TTLL11: variants seen among roughly 807,000 people sequenced by gnomAD.
TTLL11 encodes the protein tubulin tyrosine ligase like 11.
A neutral mutation model predicts 51.7 loss-of-function variants in TTLL11; 42 were observed. That is an observed-to-expected ratio of 0.81 (90% confidence interval 0.64 to 1.05). TTLL11 has a LOEUF of 1.05. Ranked by LOEUF, TTLL11 falls within the 50% of genes least tolerant of loss-of-function variation. The probability of loss-of-function intolerance (pLI) is 0.00; values close to 1 mark genes in which losing one functional copy is unlikely to be tolerated. For synonymous variants in TTLL11, 381 were observed against 383.5 expected, an observed-to-expected ratio of 0.99 and a Z score of 0.08; for missense variants, 799 against 940.4, an observed-to-expected ratio of 0.85 and a Z score of 1.97.
intron 1 of TTLL11, among the ~76,000 whole-genome samples, chr9:122,041,102 A>G (rs1051844966): frequency 4.6e-5 from 7 of 152,148 alleles, no homozygotes; most frequent in Non-Finnish European, 8.8e-5. Flanking sequence ...CACCCTCATG[A>G]ATACCAAATT....
intron 8 of TTLL11, among the ~76,000 whole-genome samples, chr9:121,827,804 G>A (rs1588052081): frequency 6.6e-6 from 1 of 152,234 alleles, no homozygotes; most frequent in East Asian, 1.9e-4. Flanking sequence ...AGGTTTCAAG[G>A]GGGTGGGGAT....
At chr9:121,886,350 C>T (rs375864383) in intron 6 of TTLL11, among the ~76,000 whole-genome samples, 5 of 152,176 alleles carry the variant, frequency 3.3e-5, no homozygotes, top group African/African-American at 1.2e-4. Flanking sequence ...AATTAAGGAT[C>T]CCAAGATCAT....
chr9:121,844,483 C>T (rs941230264), intron 8 of TTLL11, among the ~76,000 whole-genome samples: 1 of 152,130 alleles, frequency 6.6e-6, no homozygotes, highest in African/African-American at 2.4e-5. Context: ...ATTACAAGAC[C>T]TGCTAAAAGG....
intron 8 of TTLL11, among the ~76,000 whole-genome samples, chr9:121,847,774 C>T (rs1837559224): frequency 6.6e-6 from 1 of 152,184 alleles, no homozygotes; most frequent in Admixed American, 6.5e-5. Flanking sequence ...AATACAGAAG[C>T]AGAGAAAACA....
At chr9:122,032,057 C>T (rs530760008) in intron 2 of TTLL11, among the ~76,000 whole-genome samples, 2 of 152,176 alleles carry the variant, frequency 1.3e-5, no homozygotes, top group African/African-American at 2.4e-5. Context: ...CTTGAGGTAA[C>T]GGACGGGTGT....
At chr9:122,071,841 C>T (rs1404188023) in intron 1 of TTLL11, among the ~76,000 whole-genome samples, 1 of 152,218 alleles carries the variant, frequency 6.6e-6, no homozygotes, top group Non-Finnish European at 1.5e-5. Flanking sequence ...ACCTTGCTGT[C>T]TCTGCAGATT....
chr9:121,862,035 A>T (rs1838027479), intron 7 of TTLL11, among the ~76,000 whole-genome samples: 1 of 151,976 alleles, frequency 6.6e-6, no homozygotes. Context: ...ATTGTGGGGG[A>T]CGGGCCTCTG....
intron 8 of TTLL11, among the ~76,000 whole-genome samples, chr9:121,838,941 C>T (rs1000119492): frequency 7.2e-5 from 11 of 152,342 alleles, no homozygotes; most frequent in Middle Eastern, 3.4e-3. Context: ...CTCCAGCTGC[C>T]GCTGTAACCC....
intron 1 of TTLL11, among the ~76,000 whole-genome samples, chr9:122,050,347 C>T (rs919983742): frequency 6.6e-5 from 10 of 152,152 alleles, no homozygotes; most frequent in African/African-American, 1.4e-4. Flanking sequence ...AGTAAGGACA[C>T]TGCGGTGTGC....
intron 4 of TTLL11, among the ~76,000 whole-genome samples, chr9:121,987,320 C>A (rs1207726196): frequency 6.6e-6 from 1 of 152,094 alleles, no homozygotes; most frequent in Non-Finnish European, 1.5e-5. Flanking sequence ...ATATCAAATG[C>A]TACAAAATGA....
intron 1 of TTLL11, among the ~76,000 whole-genome samples, chr9:122,041,120 C>T (rs1007209954): frequency 6.6e-6 from 1 of 152,178 alleles, no homozygotes; most frequent in Non-Finnish European, 1.5e-5. Context: ...ATTGCCCCCC[C>T]TTTTAGAGGC....
intron 8 of TTLL11, among the ~76,000 whole-genome samples, chr9:121,845,290 C>G (rs1368102073): frequency 6.6e-6 from 1 of 152,062 alleles, no homozygotes; most frequent in Non-Finnish European, 1.5e-5. Flanking sequence ...ACCCCACCAA[C>G]CTAGAATTCT....
At chr9:121,844,228 T>C (rs1837445607) in intron 8 of TTLL11, among the ~76,000 whole-genome samples, 1 of 151,480 alleles carries the variant, frequency 6.6e-6, no homozygotes, top group Non-Finnish European at 1.5e-5. Context: ...GGATTCCAAT[T>C]GAGAGAGATC....
intron 5 of TTLL11, 105 bp downstream of exon 5, chr9:121,974,778 AT>A: frequency 2.2e-6 from 2 of 898,706 alleles, no homozygotes; most frequent in Non-Finnish European, 3.4e-6. Flanking sequence ...GAATTTGGCT[AT>A]GAAAATCTGA....
At chr9:121,892,284 C>T (rs918854498) in intron 6 of TTLL11, among the ~76,000 whole-genome samples, 1 of 151,286 alleles carries the variant, frequency 6.6e-6, no homozygotes, top group South Asian at 2.1e-4. Context: ...TACTGGGAAA[C>T]TGTGTTAGTC....
intron 6 of TTLL11, among the ~76,000 whole-genome samples, chr9:121,899,337 C>A (rs1839657928): frequency 6.9e-6 from 1 of 145,264 alleles, no homozygotes; most frequent in South Asian, 2.2e-4. Context: ...CCTATTAATT[C>A]ACTCTGTGTG....
intron 2 of TTLL11, among the ~76,000 whole-genome samples, chr9:122,038,487 T>C (rs912968423): frequency 6.6e-6 from 1 of 152,052 alleles, no homozygotes; most frequent in Non-Finnish European, 1.5e-5. Flanking sequence ...CTGTCTCTAC[T>C]AAAAATACAA....
chr9:122,076,062 G>A (rs751352074), intron 1 of TTLL11, among the ~76,000 whole-genome samples: 1 of 152,168 alleles, frequency 6.6e-6, no homozygotes, highest in Non-Finnish European at 1.5e-5. Context: ...TCTTTGTGAT[G>A]ATACTCACCC....
intron 6 of TTLL11, among the ~76,000 whole-genome samples, chr9:121,953,459 C>T (rs12379064): frequency 0.2 from 30,376 of 151,610 alleles, 3,211 homozygotes; most frequent in Non-Finnish European, 0.21. Flanking sequence ...TGGTGAAACC[C>T]CATCTCTACT....
Sources: allele counts gnomAD v4.1 joint callset (sites outside exome capture counted in the v4.1 genomes callset), GRCh38; gene constraint gnomAD v4.1.1; transcripts MANE v1.5; gene names NCBI Gene and HGNC (gene_info 2026-07-23, HGNC 2026-07-21).